Variants in SYT14 observed in about 807,000 individuals in gnomAD.
The protein encoded by SYT14 is synaptotagmin-14.
A neutral mutation model predicts 74.2 loss-of-function variants in SYT14; 32 were observed. That is an observed-to-expected ratio of 0.43 (90% CI 0.33 to 0.58). The LOEUF (loss-of-function observed/expected upper bound fraction) is 0.58. Among genes scored for constraint, SYT14 ranks in the 20% least tolerant of loss-of-function variants. The probability of loss-of-function intolerance (pLI) is 0.05; values close to 1 mark genes in which losing one functional copy is unlikely to be tolerated. For missense variants in SYT14, 791 were observed against 981.8 expected (o/e 0.81, Z 2.60); for synonymous variants, 298 against 337.7 (o/e 0.88, Z 1.29).
intron 5 of SYT14, among the ~76,000 whole-genome samples, chr1:210,024,229 G>A (rs1335675565): frequency 6.6e-6 from 1 of 152,148 alleles, no homozygotes; most frequent in Non-Finnish European, 1.5e-5. Context: ...CCATAATCAG[G>A]GTTGTGCTTT....
Position 210,094,626 on chromosome 1 carries a change from A to G in SYT14, c.1584+33A>G, listed in dbSNP as rs745368148. Reference sequence around the variant, plus strand: ...AAAGCACATAGAAGTTTGAAAATGAATGTTATTTGGAGGATAATAATCCTG... The same window carrying G: ...AAAGCACATAGAAGTTTGAAAATGAGTGTTATTTGGAGGATAATAATCCTG... On this transcript the variant is annotated intron_variant, in intron 6 of 9. Transcript: ENST00000637265. 65 of 1,610,090 alleles carry G rather than the reference A, an allele frequency of 4.0e-5. No homozygotes were observed. The Admixed American group carries it at 1.0e-3, about 26-fold the overall frequency.
intron 7 of SYT14, among the ~76,000 whole-genome samples, chr1:210,145,266 A>G (rs368102460): frequency 2.0e-5 from 3 of 152,226 alleles, no homozygotes; most frequent in African/African-American, 7.2e-5. Flanking sequence ...ATCTATCACT[A>G]GCACAGCTAA....
chr1:210,056,796 A>G (rs1486642338), intron 5 of SYT14, among the ~76,000 whole-genome samples: 1 of 151,514 alleles, frequency 6.6e-6, no homozygotes, highest in African/African-American at 2.4e-5. Context: ...AAACAACAAC[A>G]ACAACAAAAG....
intron 2 of SYT14, among the ~76,000 whole-genome samples, chr1:209,963,293 T>C (rs1021102746): frequency 5.3e-5 from 8 of 152,180 alleles, no homozygotes; most frequent in African/African-American, 1.9e-4. Context: ...GTGTCATACA[T>C]ACCATCCACT....
intron 7 of SYT14, among the ~76,000 whole-genome samples, chr1:210,142,765 C>G (rs978365669): frequency 2.0e-5 from 3 of 150,976 alleles, no homozygotes; most frequent in Non-Finnish European, 3.0e-5. Context: ...CCTTCCTCCC[C>G]CATTTCCCAC....
chr1:210,020,198 G>T (rs1024159259), intron 4 of SYT14, among the ~76,000 whole-genome samples: 5 of 152,022 alleles, frequency 3.3e-5, no homozygotes, highest in African/African-American at 1.2e-4. Flanking sequence ...CTTTCCCTGA[G>T]AGTTCTTTTA....
chr1:210,128,601 A>G (rs2082615799), intron 7 of SYT14, among the ~76,000 whole-genome samples: 1 of 152,240 alleles, frequency 6.6e-6, no homozygotes, highest in Admixed American at 6.5e-5. Flanking sequence ...ATGCAAAATT[A>G]GTAGCTGAAG....
chr1:209,973,078 C>T (rs1178294202), intron 2 of SYT14, among the ~76,000 whole-genome samples: 2 of 150,914 alleles, frequency 1.3e-5, no homozygotes, highest in Non-Finnish European at 2.9e-5. Flanking sequence ...TAATTGGACA[C>T]TTTATCATTA....
At chr1:210,116,476 TGCCAGGACCATA>T (rs1237876148) in intron 7 of SYT14, among the ~76,000 whole-genome samples, 1 of 152,136 alleles carries the variant, frequency 6.6e-6, no homozygotes, top group Non-Finnish European at 1.5e-5. Flanking sequence ...CCTCCCAAGT[TGCCAGGACCATA>T]GGCATGCGCC....
intron 9 of SYT14, 42 bp from the exon 9 acceptor site, chr1:210,160,687 T>C: frequency 1.3e-6 from 2 of 1,576,930 alleles, no homozygotes; most frequent in Non-Finnish European, 1.7e-6. Flanking sequence ...TTTGAGTTTG[T>C]TTCAAATGAT....
At chr1:210,069,815 AC>A (rs2081361319) in intron 5 of SYT14, among the ~76,000 whole-genome samples, 1 of 149,804 alleles carries the variant, frequency 6.7e-6, no homozygotes, top group African/African-American at 2.5e-5. Flanking sequence ...TCTCTGTTAT[AC>A]CTTTTTTTTT....
intron 5 of SYT14, among the ~76,000 whole-genome samples, chr1:210,029,981 A>C (rs918243338): frequency 3.3e-5 from 5 of 152,070 alleles, no homozygotes; most frequent in Non-Finnish European, 7.4e-5. Flanking sequence ...TTTGTTCCTA[A>C]GTATTTTATT....
rs1387989434 is a variant in SYT14, at chr1:210,169,231, T to TG, written c.*8189_*8190insG. 8.7e-5 allele frequency: 12 copies of TG among 138,570 alleles called. 1 individual carries two copies. Among genetic ancestry groups the TG allele is most frequent in the Middle Eastern group, 7.1e-3 (2 of 280 alleles). 8.6% of individuals were successfully genotyped at this position (138,570 alleles called of 1,614,324 possible). A position where few individuals can be genotyped will look rare whatever the true frequency, so the allele number is the denominator to read the frequency against. On this transcript the variant is annotated 3_prime_UTR_variant, in exon 10 of 10. Coordinates refer to ENST00000637265, the Ensembl canonical transcript of SYT14. ...TTTTATGTTTTTGGTGTTTTTTTTT[T>TG]TTTTTTTTTTTTTTTTTTTTGTAGT...
intron 2 of SYT14, among the ~76,000 whole-genome samples, chr1:209,953,465 C>A (rs893353415): frequency 1.3e-5 from 2 of 152,198 alleles, no homozygotes; most frequent in Non-Finnish European, 2.9e-5. Flanking sequence ...GGGGCACTTT[C>A]TTTTCTTGCA....
intron 7 of SYT14, among the ~76,000 whole-genome samples, chr1:210,132,658 G>C (rs1418499873): frequency 6.6e-6 from 1 of 150,894 alleles, no homozygotes; most frequent in African/African-American, 2.4e-5. Flanking sequence ...TTATGTCTCA[G>C]ATAATTCAGA....
chr1:210,032,407 A>C (rs768761305), intron 5 of SYT14, among the ~76,000 whole-genome samples: 2 of 152,010 alleles, frequency 1.3e-5, no homozygotes, highest in Admixed American at 6.6e-5. Flanking sequence ...GTCCCACACC[A>C]GGTATCTCTT....
chr1:210,133,976 G>A (rs952744328), intron 7 of SYT14, among the ~76,000 whole-genome samples: 4 of 151,988 alleles, frequency 2.6e-5, no homozygotes, highest in Admixed American at 6.6e-5. Context: ...GGCAGAGACA[G>A]AGGAGCTTTT....
intron 7 of SYT14, among the ~76,000 whole-genome samples, chr1:210,118,132 A>G (rs1356343406): frequency 6.6e-6 from 1 of 152,190 alleles, no homozygotes; most frequent in African/African-American, 2.4e-5. Flanking sequence ...TGTTTTATGG[A>G]AAGAGAATAC....
At chr1:210,030,224 C>T (rs1257712633) in intron 5 of SYT14, among the ~76,000 whole-genome samples, 5 of 152,058 alleles carry the variant, frequency 3.3e-5, no homozygotes, top group Non-Finnish European at 7.4e-5. Flanking sequence ...TCACTGCAGC[C>T]TCTGCCTCCT....
Sources: allele counts gnomAD v4.1 joint callset (sites outside exome capture counted in the v4.1 genomes callset), GRCh38; gene constraint gnomAD v4.1.1; transcripts MANE v1.5; gene names NCBI Gene and HGNC (gene_info 2026-07-23, HGNC 2026-07-21).